SNX29: variants seen among roughly 807,000 people sequenced by gnomAD.
The protein encoded by SNX29 is sorting nexin-29.
Under a neutral mutation model 102.1 loss-of-function variants are expected in SNX29, and 78 were observed. That is an observed-to-expected ratio of 0.76 (90% CI 0.64 to 0.92). The LOEUF (loss-of-function observed/expected upper bound fraction) is 0.92. Ranked by LOEUF, SNX29 falls within the 40% of genes least tolerant of loss-of-function variation. The pLI is 0.00. For missense variants in SNX29, 1,280 were observed against 1,061.7 expected (o/e 1.21, Z -2.86); for synonymous variants, 580 against 414.5 (o/e 1.40, Z -4.85).
chr16:12,419,882 A>G (rs577127811), intron 18 of SNX29, among the ~76,000 whole-genome samples: 1 of 152,362 alleles, frequency 6.6e-6, no homozygotes, highest in East Asian at 1.9e-4. Flanking sequence ...TCCCCAAAAG[A>G]AAATGAGGGT....
chr16:11,976,891 G>C, intron 1 of SNX29, 78 bp downstream of exon 1: 1 of 1,287,564 alleles, frequency 7.8e-7, no homozygotes. Flanking sequence ...TCCGGCCCCT[G>C]CGTCCTCGCG....
chr16:12,470,766 A>G (rs2151793989), intron 18 of SNX29, among the ~76,000 whole-genome samples: 1 of 152,346 alleles, frequency 6.6e-6, no homozygotes, highest in Middle Eastern at 3.4e-3. Context: ...ATGATTGCAC[A>G]TCCTATAATT....
At chr16:12,368,811 C>T (rs539161783) in intron 16 of SNX29, among the ~76,000 whole-genome samples, 42 of 152,342 alleles carry the variant, frequency 2.8e-4, no homozygotes, top group African/African-American at 9.1e-4. Flanking sequence ...TGACAGGCAG[C>T]GGCCACCAGG....
intron 13 of SNX29, among the ~76,000 whole-genome samples, chr16:12,133,195 G>T (rs185586485): frequency 6.6e-6 from 1 of 151,944 alleles, no homozygotes; most frequent in Non-Finnish European, 1.5e-5. Context: ...TTGTACTGAC[G>T]GGGTCAGACC....
At chr16:12,408,798 G>T (rs573668488) in intron 18 of SNX29, among the ~76,000 whole-genome samples, 1 of 152,254 alleles carries the variant, frequency 6.6e-6, no homozygotes, top group East Asian at 1.9e-4. Flanking sequence ...CCAGCCTGGG[G>T]GACAGGAACA....
intron 20 of SNX29, among the ~76,000 whole-genome samples, chr16:12,544,131 C>A (rs909793535): frequency 6.6e-6 from 1 of 152,146 alleles, no homozygotes; most frequent in Admixed American, 6.5e-5. Flanking sequence ...AGTCCATAAC[C>A]CTATATTCAC....
chr16:12,552,869 C>T (rs185582974), intron 20 of SNX29, among the ~76,000 whole-genome samples: 1 of 152,162 alleles, frequency 6.6e-6, no homozygotes. Flanking sequence ...ATGGCAGGGC[C>T]TGGGGAGACA....
In SNX29 at chr16:12,277,919, CTCTT is replaced by C. The variant is rs1567388939; in HGVS notation, c.1679-10_1679-7del. ...CTGTTGAAATATTTATGACATGTCT[CTCTT>C]TCTCTAAAGTGCCAAATCTTTGGAG... is the stretch of plus-strand genomic sequence containing the variant. On this transcript the variant is annotated splice_polypyrimidine_tract_variant and intron_variant, in intron 14 of 20. Coordinates refer to ENST00000566228, the MANE Select transcript of SNX29 (RefSeq NM_032167.5). 4 of 1,592,190 alleles carry C rather than the reference CTCTT, an allele frequency of 2.5e-6. No individual in the cohort carries two copies. In the Admixed American group the frequency reaches 7.0e-5, roughly 28 times the overall value.
chr16:12,049,039 A>G (rs1182858497), intron 7 of SNX29, among the ~76,000 whole-genome samples: 2 of 152,182 alleles, frequency 1.3e-5, no homozygotes, highest in Non-Finnish European at 2.9e-5. Flanking sequence ...GACAAAATAT[A>G]TAATTTATGA....
At chr16:12,297,801 G>A (rs1048051908) in intron 15 of SNX29, among the ~76,000 whole-genome samples, 1 of 152,142 alleles carries the variant, frequency 6.6e-6, no homozygotes, top group Non-Finnish European at 1.5e-5. Context: ...GGCTCCACCT[G>A]TCTCACTGAA....
At chr16:12,252,859 C>T (rs770098011) in intron 14 of SNX29, among the ~76,000 whole-genome samples, 3 of 152,252 alleles carry the variant, frequency 2.0e-5, no homozygotes, top group Non-Finnish European at 4.4e-5. Flanking sequence ...GAGCAGCTGG[C>T]TCTTCCAGCT....
At chr16:11,990,249 C>G (rs2055797421) in intron 1 of SNX29, among the ~76,000 whole-genome samples, 1 of 152,132 alleles carries the variant, frequency 6.6e-6, no homozygotes, top group African/African-American at 2.4e-5. Flanking sequence ...TGCCAACTAA[C>G]TGACATAAAA....
At chr16:11,988,793 C>T (rs2055732258) in intron 1 of SNX29, among the ~76,000 whole-genome samples, 1 of 152,066 alleles carries the variant, frequency 6.6e-6, no homozygotes, top group Admixed American at 6.6e-5. Context: ...GGTTGGCCTC[C>T]TGTTTTGCAA....
chr16:12,491,017 C>T (rs560258613), intron 19 of SNX29, among the ~76,000 whole-genome samples: 1 of 152,204 alleles, frequency 6.6e-6, no homozygotes, highest in African/African-American at 2.4e-5. Flanking sequence ...GATACTTATT[C>T]TTTATGTAGC....
At chr16:12,229,214 T>C (rs2142180959) in intron 14 of SNX29, among the ~76,000 whole-genome samples, 1 of 152,366 alleles carries the variant, frequency 6.6e-6, no homozygotes, top group Non-Finnish European at 1.5e-5. Context: ...GTAAGCTCCC[T>C]GGTAGCAGGA....
At chr16:11,997,901 C>G (rs1596553338) in intron 1 of SNX29, among the ~76,000 whole-genome samples, 1 of 152,206 alleles carries the variant, frequency 6.6e-6, no homozygotes, top group Admixed American at 6.5e-5. Flanking sequence ...GGTGGATCAA[C>G]ACACACAATC....
At chr16:12,496,051 A>C (rs1567622656) in intron 19 of SNX29, among the ~76,000 whole-genome samples, 2 of 152,162 alleles carry the variant, frequency 1.3e-5, no homozygotes, top group Non-Finnish European at 2.9e-5. Flanking sequence ...CTGTCAAAAA[A>C]AAAATGTCTG....
At chr16:12,453,349 G>C (rs2086391054) in intron 18 of SNX29, among the ~76,000 whole-genome samples, 1 of 152,244 alleles carries the variant, frequency 6.6e-6, no homozygotes, top group Non-Finnish European at 1.5e-5. Flanking sequence ...GGTAGCTCTA[G>C]ACTTGGCAGG....
At chr16:12,534,318 T>A (rs1426512032) in intron 20 of SNX29, among the ~76,000 whole-genome samples, 2 of 152,226 alleles carry the variant, frequency 1.3e-5, no homozygotes, top group Non-Finnish European at 2.9e-5. Context: ...AATGAGGGCC[T>A]CTGTGCCCAG....
Sources: allele counts gnomAD v4.1 joint callset (sites outside exome capture counted in the v4.1 genomes callset), GRCh38; gene constraint gnomAD v4.1.1; transcripts MANE v1.5; gene names NCBI Gene and HGNC (gene_info 2026-07-23, HGNC 2026-07-21).